Variants in ENPP6 observed in about 807,000 individuals in gnomAD.
ENPP6 encodes glycerophosphocholine cholinephosphodiesterase ENPP6.
In ENPP6, 32 loss-of-function variants were observed where a neutral mutation model predicts 42.0. That is an observed-to-expected ratio of 0.76 (90% confidence interval 0.58 to 1.02). The LOEUF (loss-of-function observed/expected upper bound fraction) is 1.02. ENPP6 is among the 50% of genes least tolerant of loss of function. The probability of loss-of-function intolerance (pLI) is 0.00; values close to 1 mark genes in which losing one functional copy is unlikely to be tolerated. For synonymous variants in ENPP6, 213 were observed against 216.0 expected (o/e 0.99, Z 0.12); for missense variants, 552 against 566.8 (o/e 0.97, Z 0.27).
chr4:184,099,233 G>A (rs190752814), intron 6 of ENPP6, among the ~76,000 whole-genome samples: 1 of 152,316 alleles, frequency 6.6e-6, no homozygotes, highest in East Asian at 1.9e-4. Context: ...TGCTGGCAGC[G>A]GCCAGTGAGG....
rs1560987429 is a variant in ENPP6 at position 184,131,252 on chromosome 4, C to CT, written c.422-6981dup. Among the ~76,000 whole-genome samples, 42 of 81,002 alleles carry CT rather than the reference C, an allele frequency of 5.2e-4. 2 individuals are homozygous for CT. The highest frequency in any genetic ancestry group is 1.0e-3 in the African/African-American group (18 of 17,372). 53.1% of individuals were successfully genotyped at this position (81,002 alleles called of 152,430 possible). On this transcript the variant is annotated intron_variant, in intron 2 of 7. Transcript: ENST00000296741. Reference sequence around the variant, plus strand: ...TTTCTTTCCTTTTCTTTCTTTCTTTCTCTTTCTCTTCCTTCCTTCCTTCCT... The same window carrying CT: ...TTTCTTTCCTTTTCTTTCTTTCTTTCTTCTTTCTCTTCCTTCCTTCCTTCCT...
At chr4:184,213,219 C>A (rs1196046693) in intron 1 of ENPP6, among the ~76,000 whole-genome samples, 4 of 151,670 alleles carry the variant, frequency 2.6e-5, no homozygotes, top group East Asian at 3.9e-4. Context: ...CAATGGCAAC[C>A]AAAGCCAAAA....
At chr4:184,194,106 C>T (rs1471961897) in intron 1 of ENPP6, among the ~76,000 whole-genome samples, 2 of 152,238 alleles carry the variant, frequency 1.3e-5, no homozygotes, top group African/African-American at 4.8e-5. Context: ...CGAGGTTCCT[C>T]TTTCTTACCA....
At chr4:184,118,282 G>A (rs1736359792) in intron 3 of ENPP6, among the ~76,000 whole-genome samples, 1 of 152,166 alleles carries the variant, frequency 6.6e-6, no homozygotes, top group African/African-American at 2.4e-5. Flanking sequence ...TTCCAGAGTG[G>A]GCTTACATGT....
rs964241053 is a variant in ENPP6, at chr4:184,205,467, C to T, written c.241+12112G>A. 5.3e-5 allele frequency among the ~76,000 whole-genome samples: 8 copies of T among 152,314 alleles called. No individual in the cohort carries two copies. The South Asian group carries it at 6.2e-4, about 12-fold the overall frequency. ...GAGCAGCGTGCTCAAGCACGCCCAGCGGGACACAAGCAAGCGAAGAGAAGG... is the reference window on the plus strand; with the variant it reads ...GAGCAGCGTGCTCAAGCACGCCCAGTGGGACACAAGCAAGCGAAGAGAAGG... On this transcript the variant is annotated intron_variant, in intron 1 of 7. Transcript: ENST00000296741.
At chr4:184,168,685 TG>T (rs1405461810) in intron 1 of ENPP6, among the ~76,000 whole-genome samples, 1 of 152,224 alleles carries the variant, frequency 6.6e-6, no homozygotes, top group African/African-American at 2.4e-5. Flanking sequence ...CCTTGAATTC[TG>T]GGTTTGCTTC....
At chr4:184,147,914 C>T (rs1285319377) in intron 2 of ENPP6, among the ~76,000 whole-genome samples, 1 of 152,128 alleles carries the variant, frequency 6.6e-6, no homozygotes, top group Non-Finnish European at 1.5e-5. Flanking sequence ...TTGAAACTTG[C>T]ATGCTTCCCA....
chr4:184,136,055 C>A (rs1007999588), intron 2 of ENPP6, among the ~76,000 whole-genome samples: 2 of 151,888 alleles, frequency 1.3e-5, no homozygotes, highest in Admixed American at 1.3e-4. Flanking sequence ...TCTTTAATTT[C>A]TTTTGAATAA....
intron 2 of ENPP6, among the ~76,000 whole-genome samples, chr4:184,134,233 C>T (rs1736692233): frequency 6.6e-6 from 1 of 151,968 alleles, no homozygotes; most frequent in African/African-American, 2.4e-5. Flanking sequence ...CTTGCCTCAG[C>T]CTCCCAAGTA....
At chr4:184,113,965 C>T (rs4995145) in intron 5 of ENPP6, among the ~76,000 whole-genome samples, 1,590 of 35,864 alleles carry the variant, frequency 0.044, 19 homozygotes, top group African/African-American at 0.11. Context: ...CTTTCTTTCT[C>T]TCTTTCTTTC....
At chr4:184,115,271 A>G (rs956392936) in intron 5 of ENPP6, among the ~76,000 whole-genome samples, 1 of 152,144 alleles carries the variant, frequency 6.6e-6, no homozygotes, top group African/African-American at 2.4e-5. Flanking sequence ...GCCTGCCCCC[A>G]GGAAGACAGT....
chr4:184,196,086 G>T (rs1391026927), intron 1 of ENPP6, among the ~76,000 whole-genome samples: 2 of 152,226 alleles, frequency 1.3e-5, no homozygotes, highest in African/African-American at 2.4e-5. Context: ...TCATCCCAAA[G>T]CCCAGCTCTG....
At chr4:184,174,430 G>A (rs1392406138) in intron 1 of ENPP6, among the ~76,000 whole-genome samples, 1 of 152,144 alleles carries the variant, frequency 6.6e-6, no homozygotes, top group Admixed American at 6.5e-5. Context: ...TAGTGAAATA[G>A]ACAAGATACT....
intron 2 of ENPP6, among the ~76,000 whole-genome samples, chr4:184,131,632 G>T (rs917877214): frequency 6.6e-6 from 1 of 151,542 alleles, no homozygotes; most frequent in Non-Finnish European, 1.5e-5. Context: ...CCAAAGTGCT[G>T]GGATCACAGG....
intron 2 of ENPP6, among the ~76,000 whole-genome samples, chr4:184,149,054 G>A (rs1401663435): frequency 2.0e-5 from 3 of 152,156 alleles, no homozygotes; most frequent in Non-Finnish European, 4.4e-5. Context: ...AAACCACAAA[G>A]TCTAATGCCA....
rs2111322714 is a variant in ENPP6 at position 184,090,152 on chromosome 4, T to G, written c.*1025A>C. The G allele has an allele frequency of 6.6e-6, 1 of 152,254 alleles. No homozygotes were observed. The highest frequency in any genetic ancestry group is 6.5e-5 in the Admixed American group (1 of 15,290). 9.4% of individuals were successfully genotyped at this position (152,254 alleles called of 1,614,324 possible). Reference sequence around the variant, plus strand: ...GCAAGCCATGCTGCAGGGGTACTGGTGTCCAGGATTAAGGCTTAGTGCATC... The same window carrying G: ...GCAAGCCATGCTGCAGGGGTACTGGGGTCCAGGATTAAGGCTTAGTGCATC... On this transcript the variant is annotated 3_prime_UTR_variant, in exon 8 of 8. Transcript: ENST00000296741.
chr4:184,139,819 C>T (rs1228774112), intron 2 of ENPP6, among the ~76,000 whole-genome samples: 3 of 73,454 alleles, frequency 4.1e-5, no homozygotes, highest in African/African-American at 1.1e-4. Flanking sequence ...AATAAACATA[C>T]GTGTGCATGT....
chr4:184,132,062 A>G (rs1223014913), intron 2 of ENPP6, among the ~76,000 whole-genome samples: 1 of 152,164 alleles, frequency 6.6e-6, no homozygotes, highest in Non-Finnish European at 1.5e-5. Context: ...TTCCCTCCTA[A>G]GCCTTTTGTT....
Position 184,091,204 on chromosome 4 carries a change from T to C in ENPP6, c.1296A>G (p.Ala432=), listed in dbSNP as rs751896161. ...PPVWPSHCAL[A]LILLFLLA ...ATGCAAGCAGGAAGAGAAGAATCAG[T>C]GCCAGGGCACAGTGGCTGGGCCAGA... The change falls in exon 8 of 8, where the codon GCA becomes GCG. Residue 432 remains alanine, a synonymous_variant. Coordinates refer to ENST00000296741, the MANE Select transcript of ENPP6 (RefSeq NM_153343.4). 3.1e-6 allele frequency: 5 copies of C among 1,589,360 alleles called. No homozygotes were observed. Among genetic ancestry groups the C allele is most frequent in the Non-Finnish European group, 4.3e-6 (5 of 1,167,030 alleles).
Sources: allele counts gnomAD v4.1 joint callset (sites outside exome capture counted in the v4.1 genomes callset), GRCh38; gene constraint gnomAD v4.1.1; transcripts MANE v1.5; gene names NCBI Gene and HGNC (gene_info 2026-07-23, HGNC 2026-07-21).